IQCH: variants seen among roughly 807,000 people sequenced by gnomAD.
The protein encoded by IQCH is IQ motif containing H, also known as IQ domain-containing protein H.
IQCH carries 98 observed loss-of-function variants against 117.0 expected under a neutral mutation model. The ratio of observed to expected loss-of-function variants is 0.84; its 90% confidence interval spans 0.71 to 0.99. The LOEUF (loss-of-function observed/expected upper bound fraction) is 0.99, where lower values mean the gene tolerates loss of function less well. IQCH is among the 50% of genes least tolerant of loss of function. IQCH has a pLI of 0.00. For missense variants in IQCH, 1,102 were observed against 1,243.8 expected, an observed-to-expected ratio of 0.89 and a Z score of 1.72; for synonymous variants, 412 against 448.2, an observed-to-expected ratio of 0.92 and a Z score of 1.02.
rs117005316 is a variant in IQCH at position 67,390,936 on chromosome 15, C to T, written c.1632+1930C>T. Among the ~76,000 whole-genome samples the T allele has an allele frequency of 6.7e-4, 102 of 152,326 alleles. 6 individuals are homozygous for T. Among genetic ancestry groups the T allele is most frequent in the East Asian group, 6.0e-3 (31 of 5,186 alleles). ...AGAGTGTGAACCAAAATCTCTCTAC[C>T]GCAGAGCAGTATCATGAGTTGGAAT... is the stretch of plus-strand genomic sequence containing the variant. On this transcript the variant is annotated intron_variant, in intron 12 of 20. Coordinates refer to ENST00000335894, the MANE Select transcript of IQCH (RefSeq NM_001031715.3). This position sits in a 1 kb window ranked among gnomAD's most constrained non-coding sequence, Gnocchi z 5.0.
At position 67,474,530 on chromosome 15, in the gene IQCH, T is replaced by G. The variant is rs932550595; in HGVS notation, c.2677-1166T>G. On this transcript the variant is annotated intron_variant, in intron 17 of 20. Coordinates refer to ENST00000335894, the MANE Select transcript of IQCH (RefSeq NM_001031715.3). This position sits in a 1 kb window ranked among gnomAD's most constrained non-coding sequence, Gnocchi z 4.1. Reference sequence around the variant, plus strand: ...AGGATCCAGTTCTTTATCTGGTACATATTAAATTTTAAATGTTTTCAGGAA... The same window carrying G: ...AGGATCCAGTTCTTTATCTGGTACAGATTAAATTTTAAATGTTTTCAGGAA... Among the ~76,000 whole-genome samples, 1 of 152,202 alleles carries G rather than the reference T, an allele frequency of 6.6e-6. No homozygotes were observed. Among genetic ancestry groups the G allele is most frequent in the African/African-American group, 2.4e-5 (1 of 41,450 alleles).
At position 67,443,670 on chromosome 15, in the gene IQCH, A is replaced by G. The variant is rs1596388056; in HGVS notation, c.2506-21457A>G. 6.6e-6 allele frequency among the ~76,000 whole-genome samples: 1 copy of G among 152,202 alleles called. No homozygotes were observed. Among genetic ancestry groups the G allele is most frequent in the African/African-American group, 2.4e-5 (1 of 41,434 alleles). Reference sequence around the variant, plus strand: ...TTCCTTTTTTCTCTGCTGATATACAACTTCGCTTCCTTTGAAACATATTTC... The same window carrying G: ...TTCCTTTTTTCTCTGCTGATATACAGCTTCGCTTCCTTTGAAACATATTTC... On this transcript the variant is annotated intron_variant, in intron 16 of 20. Coordinates refer to ENST00000335894, the MANE Select transcript of IQCH (RefSeq NM_001031715.3). The surrounding 1 kb of genome is among the most constrained non-coding windows in gnomAD (Gnocchi z 5.0).
At chr15:67,320,556 GA>G (rs1355991105) in intron 4 of IQCH, among the ~76,000 whole-genome samples, 3 of 152,118 alleles carry the variant, frequency 2.0e-5, no homozygotes, top group African/African-American at 7.2e-5. Flanking sequence ...AATATAGTGA[GA>G]AAAAATAGCA....
intron 4 of IQCH, among the ~76,000 whole-genome samples, chr15:67,318,596 TC>T (rs1278204986): frequency 6.6e-6 from 1 of 152,160 alleles, no homozygotes; most frequent in Non-Finnish European, 1.5e-5. Flanking sequence ...CCTCTTTTTT[TC>T]CCCCTAAAGA....
rs545507146 is a variant in IQCH, at chr15:67,389,573, A to G, written c.1632+567A>G. On this transcript the variant is annotated intron_variant, in intron 12 of 20. Coordinates refer to ENST00000335894, the MANE Select transcript of IQCH (RefSeq NM_001031715.3). ...CAAGAACCATTGGGAAATTCATGGA[A>G]TGATAAAGGCAGCATTCTAGAATAA... Among the ~76,000 whole-genome samples the G allele has an allele frequency of 3.0e-4, 45 of 152,258 alleles. No homozygotes were observed. The South Asian group carries it at 4.6e-3, about 15-fold the overall frequency.
intron 4 of IQCH, among the ~76,000 whole-genome samples, chr15:67,321,838 A>C (rs1968148838): frequency 6.6e-6 from 1 of 152,166 alleles, no homozygotes; most frequent in African/African-American, 2.4e-5. Context: ...TATACTCTGT[A>C]CAGTTTCAAT....
intron 16 of IQCH, among the ~76,000 whole-genome samples, chr15:67,437,092 A>G (rs1028918314): frequency 6.6e-6 from 1 of 152,238 alleles, no homozygotes; most frequent in Admixed American, 6.5e-5. Flanking sequence ...CAGGCGGCCA[A>G]CCAGCACAAA....
At chr15:67,382,523 C>A (rs1970968068) in intron 10 of IQCH, among the ~76,000 whole-genome samples, 1 of 152,222 alleles carries the variant, frequency 6.6e-6, no homozygotes, top group South Asian at 2.1e-4. Context: ...CTGCCTACTA[C>A]AACAACTGAA....
chr15:67,499,297 CAAAAAAAAAA>C (rs59618730), intron 20 of IQCH, among the ~76,000 whole-genome samples: 4 of 49,148 alleles, frequency 8.1e-5, no homozygotes, highest in South Asian at 1.1e-3. Context: ...AGACCTGTCC[CAAAAAAAAAA>C]AAAAAAAAAA....
chr15:67,437,928 G>T (rs1022695441), intron 16 of IQCH, among the ~76,000 whole-genome samples: 30 of 152,276 alleles, frequency 2.0e-4, no homozygotes, highest in Middle Eastern at 3.4e-3. Flanking sequence ...AGAATAATCA[G>T]TGTTACTGAG....
chr15:67,500,272 A>G lies in IQCH; in HGVS notation c.2971-361A>G, dbSNP rs973322162. Reference sequence around the variant, plus strand: ...TCAAATTATCCATAATAAGGAAACTATTTGTTTTGTTTTGATTTTATCTGA... The same window carrying G: ...TCAAATTATCCATAATAAGGAAACTGTTTGTTTTGTTTTGATTTTATCTGA... On this transcript the variant is annotated intron_variant, in intron 20 of 20. Coordinates refer to ENST00000335894, the MANE Select transcript of IQCH (RefSeq NM_001031715.3). This position sits in a 1 kb window ranked among gnomAD's most constrained non-coding sequence, Gnocchi z 4.4. 3.9e-5 allele frequency among the ~76,000 whole-genome samples: 6 copies of G among 152,156 alleles called. No homozygotes were observed. In the East Asian group the frequency reaches 7.7e-4, roughly 20 times the overall value.
intron 5 of IQCH, among the ~76,000 whole-genome samples, chr15:67,340,392 A>C (rs1258421187): frequency 7.5e-6 from 1 of 132,904 alleles, no homozygotes; most frequent in Non-Finnish European, 1.5e-5. Flanking sequence ...GTGACACTGC[A>C]CTCCAGCCTG....
At chr15:67,257,371 T>G (rs1310969574) in intron 1 of IQCH, among the ~76,000 whole-genome samples, 2 of 152,230 alleles carry the variant, frequency 1.3e-5, no homozygotes, top group Non-Finnish European at 2.9e-5. Context: ...GCAGAGGTAC[T>G]TTAAATTTCT....
chr15:67,303,485 A>G (rs547529951), intron 4 of IQCH, among the ~76,000 whole-genome samples: 34 of 152,208 alleles, frequency 2.2e-4, no homozygotes, highest in Non-Finnish European at 4.6e-4. Flanking sequence ...TAGTAATACC[A>G]TATTCCCTAC....
chr15:67,495,497 G>C (rs2083780777), intron 20 of IQCH, among the ~76,000 whole-genome samples: 1 of 152,212 alleles, frequency 6.6e-6, no homozygotes, highest in Non-Finnish European at 1.5e-5. Context: ...ACCTTGCCCA[G>C]CCTATCATTT....
chr15:67,267,003 C>T (rs912250263), intron 3 of IQCH, among the ~76,000 whole-genome samples: 27 of 152,216 alleles, frequency 1.8e-4, no homozygotes, highest in African/African-American at 6.3e-4. Context: ...CATAAACCCA[C>T]TGCATGAGTA....
rs1000139503 is a variant in IQCH at position 67,432,769 on chromosome 15, C to T, written c.2505+11192C>T. On this transcript the variant is annotated intron_variant, in intron 16 of 20. Transcript: ENST00000335894. The surrounding 1 kb of genome is among the most constrained non-coding windows in gnomAD (Gnocchi z 5.0). ...GAAAAACCAAAGTCTACAGAAATATCATAATTCCTTCTTGTTCACTGCTGT... is the reference window on the plus strand; with the variant it reads ...GAAAAACCAAAGTCTACAGAAATATTATAATTCCTTCTTGTTCACTGCTGT... Among the ~76,000 whole-genome samples, 1 of 152,114 alleles carries T rather than the reference C, an allele frequency of 6.6e-6. No homozygotes were observed. Among genetic ancestry groups the T allele is most frequent in the Non-Finnish European group, 1.5e-5 (1 of 68,012 alleles).
At chr15:67,338,484 A>C (rs780632166) in intron 5 of IQCH, among the ~76,000 whole-genome samples, 4 of 152,156 alleles carry the variant, frequency 2.6e-5, no homozygotes, top group Non-Finnish European at 5.9e-5. Flanking sequence ...GGAAGCCACA[A>C]GCCACAGAAA....
chr15:67,427,359 C>G lies in IQCH; in HGVS notation c.2505+5782C>G, dbSNP rs1233617205. On this transcript the variant is annotated intron_variant, in intron 16 of 20. Coordinates refer to ENST00000335894, the MANE Select transcript of IQCH (RefSeq NM_001031715.3). This position sits in a 1 kb window ranked among gnomAD's most constrained non-coding sequence, Gnocchi z 4.7. Reference sequence around the variant, plus strand: ...TCATCATACTAAAGTTTCATATAGTCAAATCCAGCTGTTTTTCTTTTTTCT... The same window carrying G: ...TCATCATACTAAAGTTTCATATAGTGAAATCCAGCTGTTTTTCTTTTTTCT... 6.6e-6 allele frequency among the ~76,000 whole-genome samples: 1 copy of G among 152,046 alleles called. No homozygotes were observed. The highest frequency in any genetic ancestry group is 1.5e-5 in the Non-Finnish European group (1 of 68,004).
Sources: gnomAD v4.1 joint callset for allele counts (sites outside exome capture counted in the v4.1 genomes callset) on GRCh38, gnomAD v4.1.1 for gene constraint, Gnocchi (gnomAD v3.1) non-coding constraint, MANE v1.5 for transcripts, NCBI Gene and HGNC (gene_info 2026-07-23, HGNC 2026-07-21) for gene names.